Variants in LGR5 observed in about 807,000 individuals in gnomAD.
The protein encoded by LGR5 is leucine rich repeat containing G protein-coupled receptor 5.
In LGR5, 54 loss-of-function variants were observed where a neutral mutation model predicts 76.7. That is an observed-to-expected ratio of 0.70 (90% CI 0.57 to 0.88). The LOEUF is 0.88. Ranked by LOEUF, LGR5 falls within the 40% of genes least tolerant of loss-of-function variation. The pLI is 0.00. For missense variants in LGR5, 1,078 were observed against 1,073.3 expected (o/e 1.00, Z -0.06); for synonymous variants, 406 against 421.9 (o/e 0.96, Z 0.46).
At chr12:71,477,867 T>C (rs1873409140) in intron 1 of LGR5, among the ~76,000 whole-genome samples, 3 of 152,168 alleles carry the variant, frequency 2.0e-5, no homozygotes, top group Non-Finnish European at 4.4e-5. Context: ...GTTTCACTTA[T>C]AGTAATATTT....
intron 11 of LGR5, among the ~76,000 whole-genome samples, chr12:71,568,015 T>A (rs148741479): frequency 6.6e-6 from 1 of 152,156 alleles, no homozygotes; most frequent in African/African-American, 2.4e-5. Flanking sequence ...TGGTAGAAAT[T>A]TGGGGGGCCA....
intron 16 of LGR5, among the ~76,000 whole-genome samples, chr12:71,581,246 C>A (rs1879079118): frequency 6.6e-6 from 1 of 152,212 alleles, no homozygotes; most frequent in South Asian, 2.1e-4. Context: ...TTCTCCTCAC[C>A]TACCCCACCC....
rs201293635 is a variant in LGR5, at chr12:71,571,580, G to C, written c.1136+1G>C. Reference sequence around the variant, plus strand: ...CAGTCTGCCAAAAGCTTCAGAAAATGTAAGTCTAGAAGTCTCTAAGTCACC... The same window carrying C: ...CAGTCTGCCAAAAGCTTCAGAAAATCTAAGTCTAGAAGTCTCTAAGTCACC... On this transcript the variant is annotated splice_donor_variant, in intron 12 of 17. Coordinates refer to ENST00000266674, the MANE Select transcript of LGR5 (RefSeq NM_003667.4). LOFTEE classifies it high-confidence loss of function. 6.2e-7 allele frequency: 1 copy of C among 1,607,052 alleles called. No homozygotes were observed. The highest frequency in any genetic ancestry group is 1.3e-5 in the African/African-American group (1 of 74,752).
intron 1 of LGR5, among the ~76,000 whole-genome samples, chr12:71,449,569 C>T (rs1205188970): frequency 6.6e-6 from 1 of 152,154 alleles, no homozygotes; most frequent in African/African-American, 2.4e-5. Context: ...CAGCTGCTGG[C>T]CTTCCAGGAA....
At chr12:71,514,567 C>CAAAA (rs11417758) in intron 2 of LGR5, among the ~76,000 whole-genome samples, 1 of 136,290 alleles carries the variant, frequency 7.3e-6, no homozygotes, top group Non-Finnish European at 1.5e-5. Flanking sequence ...GACTCCCTCT[C>CAAAA]AAAAAAAAAA....
Position 71,440,270 on chromosome 12 carries a change from C to T in LGR5, c.190C>T (p.Leu64Phe), listed in dbSNP as rs1399185634. 6.2e-7 allele frequency: 1 copy of T among 1,612,346 alleles called. No homozygotes were observed. Among genetic ancestry groups the T allele is most frequent in the Non-Finnish European group, 8.5e-7 (1 of 1,179,982 alleles). Residue 64 changes from leucine to phenylalanine, a missense_variant, in exon 1 of 18, where the codon CTC becomes TTC. By Grantham distance (22) the Leu-to-Phe change is conservative (BLOSUM62 0). Transcript: ENST00000266674. The surrounding 1 kb of genome is among the most constrained non-coding windows in gnomAD (Gnocchi z 5.3). ...DLGLSELPSN[L>F]SVFTSYLDLS... is the part of the protein sequence containing the mutation. ...GGGGCTCTCGGAGCTGCCTTCCAAC[C>T]TCAGCGTCTTCACCTCCTACCTGTA...
chr12:71,467,839 A>G (rs896053537), intron 1 of LGR5, among the ~76,000 whole-genome samples: 1 of 152,168 alleles, frequency 6.6e-6, no homozygotes, highest in Non-Finnish European at 1.5e-5. Flanking sequence ...ATGAAAATCC[A>G]AAGTATTTTA....
At chr12:71,555,519 C>G (rs1307422397) in intron 5 of LGR5, among the ~76,000 whole-genome samples, 1 of 152,188 alleles carries the variant, frequency 6.6e-6, no homozygotes, top group Non-Finnish European at 1.5e-5. Flanking sequence ...GCAGAAAAAT[C>G]TGATTACCAT....
At chr12:71,579,817 G>T (rs982646096) in intron 15 of LGR5, among the ~76,000 whole-genome samples, 1 of 151,950 alleles carries the variant, frequency 6.6e-6, no homozygotes, top group African/African-American at 2.4e-5. Flanking sequence ...AAGCATCCAG[G>T]AACAAAAATC....
chr12:71,465,870 T>A (rs1341256764), intron 1 of LGR5, among the ~76,000 whole-genome samples: 1 of 152,196 alleles, frequency 6.6e-6, no homozygotes, highest in Non-Finnish European at 1.5e-5. Flanking sequence ...TAAATAAAAC[T>A]AATTCAGTGA....
rs192347302 is a variant in LGR5, at chr12:71,554,557, G to A, written c.644+1269G>A. 1.2e-4 allele frequency among the ~76,000 whole-genome samples: 18 copies of A among 152,286 alleles called. No individual in the cohort carries two copies. The East Asian group carries it at 3.5e-3, about 29-fold the overall frequency. The stretch of plus-strand genomic sequence containing the variant: ...TGGTCCCAAGGCAAGGAGGGAGTTT[G>A]TTTCAGAAAAAGACTGTTATCATTT... On this transcript the variant is annotated intron_variant, in intron 5 of 17. Coordinates refer to ENST00000266674, the MANE Select transcript of LGR5 (RefSeq NM_003667.4).
intron 11 of LGR5, among the ~76,000 whole-genome samples, chr12:71,570,604 G>T (rs7961238): frequency 1.1e-4 from 17 of 151,686 alleles, no homozygotes; most frequent in African/African-American, 4.1e-4. Flanking sequence ...TGGGTGGGGG[G>T]GTATCTTTCA....
At chr12:71,509,587 G>T (rs1439038295) in intron 2 of LGR5, among the ~76,000 whole-genome samples, 1 of 152,136 alleles carries the variant, frequency 6.6e-6, no homozygotes, top group African/African-American at 2.4e-5. Flanking sequence ...CTACATTTGG[G>T]CCATCAGAGT....
chr12:71,534,493 C>T (rs1954933929), intron 3 of LGR5, among the ~76,000 whole-genome samples: 1 of 150,364 alleles, frequency 6.7e-6, no homozygotes, highest in Non-Finnish European at 1.5e-5. Flanking sequence ...ATACAAGTAG[C>T]AGATCCTTTA....
chr12:71,472,465 G>A (rs1565669669), intron 1 of LGR5, among the ~76,000 whole-genome samples: 1 of 152,128 alleles, frequency 6.6e-6, no homozygotes, highest in Non-Finnish European at 1.5e-5. Context: ...TCTCCCCGGA[G>A]CAAGTATGCC....
chr12:71,439,891 C>A lies in LGR5; in HGVS notation c.-190C>A. 1.6e-5 allele frequency: 9 copies of A among 549,170 alleles called. No individual in the cohort carries two copies. Among genetic ancestry groups the A allele is most frequent in the Non-Finnish European group, 2.8e-5 (9 of 318,932 alleles). 34.0% of individuals were successfully genotyped at this position (549,170 alleles called of 1,614,324 possible). A position where few individuals can be genotyped will look rare whatever the true frequency, so the allele number is the denominator to read the frequency against. Reference sequence around the variant, plus strand: ...GCTCCGAAGGCCGGCGTGGCGGCAACCGGCACCTCTGTCCCCGCCGCGCTT... The same window carrying A: ...GCTCCGAAGGCCGGCGTGGCGGCAAACGGCACCTCTGTCCCCGCCGCGCTT... On this transcript the variant is annotated 5_prime_UTR_variant, in exon 1 of 18. Coordinates refer to ENST00000266674, the MANE Select transcript of LGR5 (RefSeq NM_003667.4).
chr12:71,482,210 T>C (rs115992860), intron 1 of LGR5, among the ~76,000 whole-genome samples: 1,538 of 152,330 alleles, frequency 0.01, 27 homozygotes, highest in African/African-American at 0.035. Context: ...GATTTGATCT[T>C]AGGGGACATT....
At chr12:71,446,802 G>A (rs908019658) in intron 1 of LGR5, among the ~76,000 whole-genome samples, 7 of 152,106 alleles carry the variant, frequency 4.6e-5, no homozygotes, top group Non-Finnish European at 1.0e-4. Flanking sequence ...AATAATGTGA[G>A]CATTACATTA....
rs757037388 is a variant in LGR5, at chr12:71,583,666, A to C, written c.1656A>C (p.Glu552Asp). 3.5e-5 allele frequency: 56 copies of C among 1,612,972 alleles called. No homozygotes were observed. In the South Asian group the frequency reaches 5.5e-4, roughly 16 times the overall value. ...SPSPGPFKPC[E>D]HLLDGWLIRI... The stretch of plus-strand genomic sequence containing the variant: ...TTCTAGGCCCCTTCAAACCCTGTGA[A>C]CACCTGCTTGATGGCTGGCTGATCA... The change falls in exon 18 of 18, where the codon GAA becomes GAC. Residue 552 changes from glutamate to aspartate, a missense_variant. Glu to Asp is a conservative substitution (Grantham distance 45, BLOSUM62 2). Coordinates refer to ENST00000266674, the MANE Select transcript of LGR5 (RefSeq NM_003667.4).
Sources: allele counts gnomAD v4.1 joint callset (sites outside exome capture counted in the v4.1 genomes callset), GRCh38; gene constraint gnomAD v4.1.1; non-coding constraint Gnocchi (gnomAD v3.1); transcripts MANE v1.5; gene names NCBI Gene and HGNC (gene_info 2026-07-23, HGNC 2026-07-21).